Variants in SPOCK1 observed in about 807,000 individuals in gnomAD.
The protein encoded by SPOCK1 is testican-1.
A neutral mutation model predicts 55.3 loss-of-function variants in SPOCK1; 23 were observed. The observed-to-expected ratio is 0.42, with a 90% CI of 0.30 to 0.59. SPOCK1 has a LOEUF of 0.59. Among genes scored for constraint, SPOCK1 ranks in the 20% least tolerant of loss-of-function variants. The probability of loss-of-function intolerance (pLI) is 0.22; values close to 1 mark genes in which losing one functional copy is unlikely to be tolerated. For synonymous variants in SPOCK1, 226 were observed against 221.0 expected (o/e 1.02, Z -0.20); for missense variants, 499 against 552.5 (o/e 0.90, Z 0.97).
intron 6 of SPOCK1, among the ~76,000 whole-genome samples, chr5:137,041,429 C>A (rs184495471): frequency 4.2e-4 from 64 of 151,998 alleles, no homozygotes; most frequent in Non-Finnish European, 7.5e-4. Flanking sequence ...GGTGCTGAAC[C>A]AAAATCACAA....
intron 2 of SPOCK1, among the ~76,000 whole-genome samples, chr5:137,464,985 G>T (rs757071390): frequency 6.6e-6 from 1 of 152,110 alleles, no homozygotes. Flanking sequence ...CAGACAAAAA[G>T]ACAAAGCCAG....
At chr5:137,248,072 G>T (rs564524204) in intron 3 of SPOCK1, among the ~76,000 whole-genome samples, 16 of 152,150 alleles carry the variant, frequency 1.1e-4, no homozygotes, top group African/African-American at 3.9e-4. Flanking sequence ...TGGGTTAACT[G>T]TTCTTACCTA....
At chr5:137,138,259 G>A (rs974046123) in intron 4 of SPOCK1, among the ~76,000 whole-genome samples, 1 of 152,284 alleles carries the variant, frequency 6.6e-6, no homozygotes, top group Middle Eastern at 3.4e-3. Context: ...GGAGATGTGG[G>A]AGATGAGGAT....
In SPOCK1 at chr5:137,008,174, G is replaced by A. The variant is rs192556970; in HGVS notation, c.590-15574C>T. Among the ~76,000 whole-genome samples, 255 of 152,048 alleles carry A rather than the reference G, an allele frequency of 1.7e-3. 3 individuals carry two copies. The highest frequency in any genetic ancestry group is 2.6e-3 in the Non-Finnish European group (180 of 67,998). Reference sequence around the variant, plus strand: ...GGCAAGGGGAAGAATAGCATTAGGAGAAATACCTAATGTAGACGACAGGTT... The same window carrying A: ...GGCAAGGGGAAGAATAGCATTAGGAAAAATACCTAATGTAGACGACAGGTT... On this transcript the variant is annotated intron_variant, in intron 6 of 10. Transcript: ENST00000394945.
intron 2 of SPOCK1, among the ~76,000 whole-genome samples, chr5:137,390,807 G>A (rs924105939): frequency 6.6e-6 from 1 of 152,236 alleles, no homozygotes; most frequent in Non-Finnish European, 1.5e-5. Flanking sequence ...TCAACTGTCT[G>A]AACCAAGGCC....
intron 2 of SPOCK1, among the ~76,000 whole-genome samples, chr5:137,408,191 C>A (rs1168101901): frequency 6.6e-6 from 1 of 152,224 alleles, no homozygotes; most frequent in Non-Finnish European, 1.5e-5. Flanking sequence ...CCCATGAGAA[C>A]AAAGACCTTG....
At chr5:137,153,591 T>C (rs886086221) in intron 3 of SPOCK1, among the ~76,000 whole-genome samples, 1 of 152,106 alleles carries the variant, frequency 6.6e-6, no homozygotes, top group African/African-American at 2.4e-5. Context: ...CGGTGGCTCA[T>C]ACCTGTAATC....
At chr5:137,487,360 G>C (rs1488075667) in intron 2 of SPOCK1, among the ~76,000 whole-genome samples, 1 of 148,228 alleles carries the variant, frequency 6.7e-6, no homozygotes, top group African/African-American at 2.5e-5. Context: ...AAAAACCTCT[G>C]GCCAACCAAG....
At chr5:137,247,978 A>T (rs1756429974) in intron 3 of SPOCK1, among the ~76,000 whole-genome samples, 1 of 152,206 alleles carries the variant, frequency 6.6e-6, no homozygotes, top group Admixed American at 6.5e-5. Flanking sequence ...TTGGGGATCA[A>T]ATTTCAACAT....
chr5:137,461,827 A>G (rs1753495819), intron 2 of SPOCK1, among the ~76,000 whole-genome samples: 1 of 152,204 alleles, frequency 6.6e-6, no homozygotes, highest in Admixed American at 6.5e-5. Flanking sequence ...AACCCTCTCT[A>G]TGATCTAATA....
chr5:137,214,232 A>T (rs1380145548), intron 3 of SPOCK1, among the ~76,000 whole-genome samples: 1 of 152,180 alleles, frequency 6.6e-6, no homozygotes, highest in Non-Finnish European at 1.5e-5. Flanking sequence ...CTATTTTACA[A>T]AGGAAAAAAA....
At chr5:137,263,368 C>T (rs1189977935) in intron 3 of SPOCK1, among the ~76,000 whole-genome samples, 1 of 152,212 alleles carries the variant, frequency 6.6e-6, no homozygotes, top group African/African-American at 2.4e-5. Context: ...CAGATCCCCA[C>T]TGAGAAGCAC....
chr5:137,287,726 CT>C (rs1561494013), intron 2 of SPOCK1, among the ~76,000 whole-genome samples: 1 of 152,166 alleles, frequency 6.6e-6, no homozygotes, highest in East Asian at 1.9e-4. Context: ...AATTTTTATG[CT>C]GTCATTGTAG....
At chr5:137,379,754 G>A (rs994222465) in intron 2 of SPOCK1, among the ~76,000 whole-genome samples, 2 of 152,188 alleles carry the variant, frequency 1.3e-5, no homozygotes, top group African/African-American at 4.8e-5. Context: ...GCTTGGCAGT[G>A]CCACCACACC....
At chr5:137,063,977 T>G (rs77027821) in intron 6 of SPOCK1, among the ~76,000 whole-genome samples, 1,645 of 152,294 alleles carry the variant, frequency 0.011, 28 homozygotes, top group African/African-American at 0.038. Flanking sequence ...TCAAGTTTTC[T>G]GTGCCCCTGA....
chr5:137,438,962 GGT>G (rs1752924626), intron 2 of SPOCK1, among the ~76,000 whole-genome samples: 1 of 152,126 alleles, frequency 6.6e-6, no homozygotes, highest in South Asian at 2.1e-4. Context: ...GACTTAAGAG[GGT>G]GCAATGCATC....
chr5:137,092,551 C>T (rs900742283), intron 5 of SPOCK1, among the ~76,000 whole-genome samples: 3 of 152,224 alleles, frequency 2.0e-5, no homozygotes, highest in African/African-American at 7.2e-5. Context: ...ACTGTGTGCC[C>T]ACCTGATACA....
chr5:137,213,179 C>A (rs1459183846), intron 3 of SPOCK1, among the ~76,000 whole-genome samples: 1 of 152,144 alleles, frequency 6.6e-6, no homozygotes, highest in Non-Finnish European at 1.5e-5. Flanking sequence ...ACCCCAGCAC[C>A]ACTGTAGTCA....
At chr5:137,413,855 T>C (rs1426377652) in intron 2 of SPOCK1, among the ~76,000 whole-genome samples, 1 of 152,202 alleles carries the variant, frequency 6.6e-6, no homozygotes, top group Non-Finnish European at 1.5e-5. Flanking sequence ...CTAGTTTGTC[T>C]ATCACAAGGG....
Sources: allele counts gnomAD v4.1 joint callset (sites outside exome capture counted in the v4.1 genomes callset), GRCh38; gene constraint gnomAD v4.1.1; transcripts MANE v1.5; gene names NCBI Gene and HGNC (gene_info 2026-07-23, HGNC 2026-07-21).